Variants in SLC22A15 observed in about 807,000 individuals in gnomAD.
SLC22A15 encodes the protein flipt 1.
SLC22A15 carries 45 observed loss-of-function variants against 62.7 expected under a neutral mutation model. That is an observed-to-expected ratio of 0.72 (90% CI 0.56 to 0.92). The LOEUF is 0.92. Ranked by LOEUF, SLC22A15 falls within the 40% of genes least tolerant of loss-of-function variation. The probability of loss-of-function intolerance (pLI) is 0.00; values close to 1 mark genes in which losing one functional copy is unlikely to be tolerated. For missense variants in SLC22A15, 622 were observed against 665.6 expected (o/e 0.93, Z 0.72); for synonymous variants, 264 against 267.0 (o/e 0.99, Z 0.11).
At chr1:115,978,771 T>C (rs1315898062) in intron 1 of SLC22A15, among the ~76,000 whole-genome samples, 1 of 152,208 alleles carries the variant, frequency 6.6e-6, no homozygotes, top group African/African-American at 2.4e-5. Flanking sequence ...GGGAGTACTG[T>C]GGAGTCCCAT....
At chr1:116,034,265 A>G (rs1450238836) in intron 6 of SLC22A15, among the ~76,000 whole-genome samples, 1 of 152,098 alleles carries the variant, frequency 6.6e-6, no homozygotes, top group African/African-American at 2.4e-5. Flanking sequence ...TCAGGGTTTT[A>G]TTTTTGTTCA....
At chr1:116,008,624 A>C (rs931815610) in intron 2 of SLC22A15, among the ~76,000 whole-genome samples, 1 of 152,222 alleles carries the variant, frequency 6.6e-6, no homozygotes, top group Non-Finnish European at 1.5e-5. Flanking sequence ...CTTCCCCAAC[A>C]CATTAGGCTG....
rs924850166 is a variant in SLC22A15, at chr1:116,032,402, A to G, written c.944+821A>G. 11 of 985,250 alleles carry G rather than the reference A, an allele frequency of 1.1e-5. No homozygotes were observed. The African/African-American group carries it at 1.7e-4, about 16-fold the overall frequency. 61.0% of individuals were successfully genotyped at this position (985,250 alleles called of 1,614,324 possible). ...AATCATACCTACTAGCCTAAAGGAC[A>G]GTTGTGCTGTGGCTTATATGTATTT... On this transcript the variant is annotated intron_variant, in intron 6 of 11. Transcript: ENST00000369503.
chr1:115,988,314 G>A (rs1654976984), intron 1 of SLC22A15, among the ~76,000 whole-genome samples: 1 of 152,174 alleles, frequency 6.6e-6, no homozygotes, highest in Non-Finnish European at 1.5e-5. Flanking sequence ...GTAGATAACA[G>A]TGGAGAGAAG....
intron 2 of SLC22A15, among the ~76,000 whole-genome samples, chr1:116,006,515 G>C (rs1051541388): frequency 6.6e-6 from 1 of 152,194 alleles, no homozygotes; most frequent in African/African-American, 2.4e-5. Flanking sequence ...ATTAAGGGCT[G>C]AGACAGCCTT....
At chr1:116,001,031 A>C (rs1655706155) in intron 2 of SLC22A15, among the ~76,000 whole-genome samples, 1 of 152,006 alleles carries the variant, frequency 6.6e-6, no homozygotes, top group Non-Finnish European at 1.5e-5. Context: ...TGTTGACAAA[A>C]TCCCTCAGCT....
intron 5 of SLC22A15, 136 bp downstream of exon 5, chr1:116,027,158 A>G: frequency 1.2e-6 from 1 of 811,744 alleles, no homozygotes; most frequent in Non-Finnish European, 2.0e-6. Flanking sequence ...AAATTCTGCA[A>G]GTGCTCCAAT....
rs757742002 is a variant in SLC22A15 at position 116,031,445 on chromosome 1, A to T, written c.808A>T (p.Lys270Ter). ...TGAAGAGGCGCTGTACCTCATTGCC[A>T]AGAGGAACCGCAAACTCAAGTGCAC... ...EAEEALYLIAKRNRKLKCTFS... is the reference protein window; with the variant it reads ...EAEEALYLIA Residue 270 changes from lysine (K) to a stop codon, truncating the protein, a stop_gained, in exon 6 of 12, where the codon AAG (lysine) becomes TAG (stop). Coordinates refer to ENST00000369503, the MANE Select transcript of SLC22A15 (RefSeq NM_018420.3). LOFTEE classifies it high-confidence loss of function. The T allele has an allele frequency of 2.5e-6, 4 of 1,613,912 alleles. No individual in the cohort carries two copies. The highest frequency in any genetic ancestry group is 3.4e-6 in the Non-Finnish European group (4 of 1,179,874).
rs1201064723 is a variant in SLC22A15, at chr1:116,068,313, G to T, written c.*1205G>T. 1.3e-5 allele frequency: 2 copies of T among 152,608 alleles called. No individual in the cohort carries two copies. Among genetic ancestry groups the T allele is most frequent in the East Asian group, 3.8e-4 (2 of 5,196 alleles). 9.5% of individuals were successfully genotyped at this position (152,608 alleles called of 1,614,324 possible). A position where few individuals can be genotyped will look rare whatever the true frequency, so the allele number is the denominator to read the frequency against. ...ACAAGCTTAGGCAGCATTGATTTAG[G>T]TCACTTTCCCAGTGAGGAAAATTTC... On this transcript the variant is annotated 3_prime_UTR_variant, in exon 12 of 12. Transcript: ENST00000369503.
At chr1:116,020,632 T>C in intron 3 of SLC22A15, 89 bp from the exon 4 acceptor site, 4 of 1,068,904 alleles carry the variant, frequency 3.7e-6, no homozygotes, top group Non-Finnish European at 5.1e-6. Flanking sequence ...TTTACAAACA[T>C]TTATTTTATA....
intron 8 of SLC22A15, among the ~76,000 whole-genome samples, chr1:116,061,706 T>C (rs1658383712): frequency 6.6e-6 from 1 of 151,886 alleles, no homozygotes. Context: ...AATCATTAAA[T>C]TGTAGAATCC....
At chr1:116,042,884 A>G (rs1657828446) in intron 8 of SLC22A15, among the ~76,000 whole-genome samples, 1 of 152,224 alleles carries the variant, frequency 6.6e-6, no homozygotes, top group African/African-American at 2.4e-5. Flanking sequence ...TGAAGTGCAC[A>G]CAGAACATTT....
chr1:115,996,436 C>A (rs1655429400), intron 2 of SLC22A15, among the ~76,000 whole-genome samples: 1 of 152,092 alleles, frequency 6.6e-6, no homozygotes, highest in Non-Finnish European at 1.5e-5. Context: ...GCTGAGTCTT[C>A]CAATACATCA....
rs1657384297 is a variant in SLC22A15 at position 116,031,369 on chromosome 1, C to T, written c.732C>T (p.Phe244=). 3.7e-6 allele frequency: 6 copies of T among 1,612,142 alleles called. No homozygotes were observed. Among genetic ancestry groups the T allele is most frequent in the Non-Finnish European group, 5.1e-6 (6 of 1,178,998 alleles). Residue 244 remains phenylalanine (F), a synonymous_variant, in exon 6 of 12, where the codon TTC becomes TTT. Coordinates refer to ENST00000369503, the MANE Select transcript of SLC22A15 (RefSeq NM_018420.3). ...QGTVVFLLSL[F]IPESPRWLYS... ...GCTTTAATGACATCTCTTTCAGATT[C>T]ATTCCTGAATCACCTCGTTGGTTAT...
In SLC22A15 at chr1:116,019,664, CT is replaced by C. The variant is rs1425147296; in HGVS notation, c.387del (p.Phe129LeufsTer39). ...AGTGGTGTATTTGTTGGAGTTATCT[CT>C]TTTGGTCAGCTTTCAGATCGCTTCG... Reference protein sequence around the residue: ...FFSGVFVGVISFGQLSDRFGR... With the variant: ...FFSGVFVGVIXFGQLSDRFGR... On this transcript the variant is annotated frameshift_variant, in exon 3 of 12. Transcript: ENST00000369503. LOFTEE classifies it high-confidence loss of function. 36 of 1,613,564 alleles carry C rather than the reference CT, an allele frequency of 2.2e-5. No individual in the cohort carries two copies. Among genetic ancestry groups the C allele is most frequent in the Non-Finnish European group, 2.9e-5 (34 of 1,179,792 alleles).
intron 2 of SLC22A15, among the ~76,000 whole-genome samples, chr1:115,993,428 AGT>A (rs762008398): frequency 3.8e-4 from 55 of 143,548 alleles, no homozygotes; most frequent in East Asian, 8.2e-4. Flanking sequence ...AGTGTGTGAG[AGT>A]GTGTGTGTGT....
intron 4 of SLC22A15, among the ~76,000 whole-genome samples, chr1:116,022,360 A>G (rs934581584): frequency 4.6e-5 from 7 of 151,920 alleles, no homozygotes; most frequent in African/African-American, 1.7e-4. Context: ...AATGATGGTG[A>G]TCATGCCTGC....
At chr1:115,990,975 C>T (rs1655116418) in intron 1 of SLC22A15, among the ~76,000 whole-genome samples, 1 of 152,166 alleles carries the variant, frequency 6.6e-6, no homozygotes, top group Non-Finnish European at 1.5e-5. Context: ...CCAGGCTGGT[C>T]TCAAACTCCT....
chr1:116,057,620 C>A (rs932947171), intron 8 of SLC22A15, among the ~76,000 whole-genome samples: 1 of 152,064 alleles, frequency 6.6e-6, no homozygotes, highest in East Asian at 1.9e-4. Context: ...ATGTTTATTG[C>A]GGCACTATTC....
Sources: allele counts gnomAD v4.1 joint callset (sites outside exome capture counted in the v4.1 genomes callset), GRCh38; gene constraint gnomAD v4.1.1; transcripts MANE v1.5; gene names NCBI Gene and HGNC (gene_info 2026-07-23, HGNC 2026-07-21).